The following NBPF8 variants were observed in gnomAD, a reference collection of about 807,000 sequenced individuals.
The protein encoded by NBPF8 is NBPF member 8, also known as NBPF family member NBPF8.
At chr1:120,442,997 A>C in exon 6 of NBPF8, 1 of 296,758 alleles carries the variant, frequency 3.4e-6, no homozygotes, top group East Asian at 7.1e-5. Context: ...CTCAAAGAGA[A>C]ATGTTTTCTA....
At chr1:120,435,668 C>G (rs1570934147), upstream of NBPF8, among the ~76,000 whole-genome samples, 1 of 150,688 alleles carries the variant, frequency 6.6e-6, no homozygotes, top group African/African-American at 2.4e-5. Context: ...CAGTGAAACC[C>G]CGTCTCTACT....
intron 1 of NBPF8, among the ~76,000 whole-genome samples, chr1:120,425,651 C>T (rs1327087152): frequency 5.9e-5 from 9 of 152,150 alleles, no homozygotes; most frequent in African/African-American, 2.2e-4. Flanking sequence ...CTCTGTGTCT[C>T]TTTCTTTTCC....
At chr1:120,466,316 A>T in exon 25 of NBPF8, 1 of 1,536,716 alleles carries the variant, frequency 6.5e-7, no homozygotes, top group Non-Finnish European at 8.9e-7. Context: ...TTGGAAGCCC[A>T]GACATAGGAT....
chr1:120,435,918 T>A (rs1288312106), upstream of NBPF8, among the ~76,000 whole-genome samples: 1 of 151,654 alleles, frequency 6.6e-6, no homozygotes. Flanking sequence ...TCCATTTTTT[T>A]ATTTATGACT....
At chr1:120,424,622 A>G (rs1660661561) in intron 1 of NBPF8, among the ~76,000 whole-genome samples, 1 of 151,590 alleles carries the variant, frequency 6.6e-6, no homozygotes, top group African/African-American at 2.4e-5. Flanking sequence ...TAATGTTTGT[A>G]TTTTTGGTAG....
At chr1:120,415,510 T>TG (rs1177564061), upstream of NBPF8, among the ~76,000 whole-genome samples, 1 of 152,108 alleles carries the variant, frequency 6.6e-6, no homozygotes, top group Non-Finnish European at 1.5e-5. Flanking sequence ...AGAAACTCGC[T>TG]GGCGGGTGTT....
At chr1:120,432,568 C>A (rs1660909989), upstream of NBPF8, 1 of 150,378 alleles carries the variant, frequency 6.6e-6, no homozygotes, top group African/African-American at 2.5e-5. Flanking sequence ...CATGGTATAG[C>A]CACACGAAGG....
chr1:120,465,632 T>C (rs1332988761), intron 24 of NBPF8, among the ~76,000 whole-genome samples: 1 of 148,216 alleles, frequency 6.7e-6, no homozygotes, highest in Non-Finnish European at 1.5e-5. Context: ...GCATATTTTA[T>C]GGAAAACTAT....
intron 1 of NBPF8, among the ~76,000 whole-genome samples, chr1:120,420,424 A>C (rs2101441621): frequency 3.6e-4 from 45 of 123,690 alleles, no homozygotes; most frequent in South Asian, 5.6e-4. Flanking sequence ...CTTACCCCCC[A>C]TTCTCTGCCC....
chr1:120,430,870 A>G (rs1268331906), intron 3 of NBPF8, among the ~76,000 whole-genome samples: 1 of 151,864 alleles, frequency 6.6e-6, no homozygotes, highest in East Asian at 1.9e-4. Flanking sequence ...GGGGAGATAA[A>G]CCTTGTCATG....
chr1:120,455,270 C>T, intron 15 of NBPF8, 139 bp from the exon 14 acceptor site: 1 of 629,184 alleles, frequency 1.6e-6, no homozygotes, highest in South Asian at 1.9e-5. Context: ...TAATCTAGGA[C>T]AACCTAGAAT....
intron 1 of NBPF8, among the ~76,000 whole-genome samples, chr1:120,422,048 T>A (rs1660591961): frequency 1.3e-5 from 2 of 151,972 alleles, no homozygotes; most frequent in Non-Finnish European, 1.5e-5. Flanking sequence ...GGTATGGGGC[T>A]GCTGCATCCT....
At chr1:120,453,849 C>A in intron 14 of NBPF8, 60 bp from the exon 13 acceptor site, 5 of 708,210 alleles carry the variant, frequency 7.1e-6, no homozygotes, top group Non-Finnish European at 1.2e-5. Context: ...CTAGGACTCC[C>A]TGGGGTCCAA....
At chr1:120,455,120 C>A (rs1337475354) in intron 15 of NBPF8, among the ~76,000 whole-genome samples, 2 of 150,574 alleles carry the variant, frequency 1.3e-5, no homozygotes, top group African/African-American at 4.9e-5. Context: ...AATTGTTTGA[C>A]CAATTTTTGG....
At chr1:120,462,954 C>T in exon 21 of NBPF8, 1 of 504,876 alleles carries the variant, frequency 2.0e-6, no homozygotes, top group South Asian at 2.1e-5. Flanking sequence ...TGGCTTGGCT[C>T]TTGACGTGGA....
intron 16 of NBPF8, among the ~76,000 whole-genome samples, chr1:120,456,434 A>G (rs1259554544): frequency 0.7 from 87,913 of 125,052 alleles, 32,443 homozygotes; most frequent in African/African-American, 0.89. Flanking sequence ...CTTGCTTTAT[A>G]AATCTGGGTG....
chr1:120,422,203 C>T (rs80255091), intron 1 of NBPF8, among the ~76,000 whole-genome samples: 28,798 of 152,074 alleles, frequency 0.19, 3,332 homozygotes, highest in Non-Finnish European at 0.26. Flanking sequence ...TAGTGTGGTC[C>T]ATTCATTACA....
At chr1:120,416,605 CAAAAAAAAA>C (rs1160932917), upstream of NBPF8, among the ~76,000 whole-genome samples, 1 of 24,232 alleles carries the variant, frequency 4.1e-5, no homozygotes, top group African/African-American at 3.4e-4. Context: ...ACCCTGTCTC[CAAAAAAAAA>C]AAAAAAAAAA....
At chr1:120,420,734 G>A (rs1328746714) in intron 1 of NBPF8, among the ~76,000 whole-genome samples, 2 of 144,600 alleles carry the variant, frequency 1.4e-5, no homozygotes, top group African/African-American at 2.7e-5. Flanking sequence ...GGAATTCTTG[G>A]TTCCCCAGGA....
Sources: gnomAD v4.1 joint callset for allele counts (sites outside exome capture counted in the v4.1 genomes callset) on GRCh38, gnomAD v4.1.1 for gene constraint, MANE v1.5 for transcripts, NCBI Gene and HGNC (gene_info 2026-07-23, HGNC 2026-07-21) for gene names.